The following SPRYD7 variants were observed in gnomAD, a reference collection of about 807,000 sequenced individuals.
SPRYD7 encodes SPRY domain containing 7.
A neutral mutation model predicts 23.8 loss-of-function variants in SPRYD7; 14 were observed. The ratio of observed to expected loss-of-function variants is 0.59; its 90% CI spans 0.39 to 0.92. The LOEUF is 0.92. Ranked by LOEUF, SPRYD7 falls within the 40% of genes least tolerant of loss-of-function variation. SPRYD7 has a pLI of 0.00. For synonymous variants in SPRYD7, 75 were observed against 84.9 expected, an observed-to-expected ratio of 0.88 and a Z score of 0.64; for missense variants, 194 against 241.7, an observed-to-expected ratio of 0.80 and a Z score of 1.31.
intron 3 of SPRYD7, among the ~76,000 whole-genome samples, chr13:49,927,331 C>T (rs1023392934): frequency 3.9e-5 from 6 of 151,934 alleles, no homozygotes; most frequent in Non-Finnish European, 4.4e-5. Flanking sequence ...CCCGTCTCTA[C>T]TAAAAATAAA....
Position 49,914,933 on chromosome 13 carries a change from T to A in SPRYD7, c.*130A>T. ...ACTTCAGGGTGGTATACTGAATACA[T>A]TGGTTCCTTAGACAGCATCAACAAG... On this transcript the variant is annotated 3_prime_UTR_variant, in exon 5 of 5. Transcript: ENST00000361840. The A allele has an allele frequency of 4.3e-6, 2 of 469,102 alleles. No homozygotes were observed. Among genetic ancestry groups the A allele is most frequent in the East Asian group, 3.5e-5 (1 of 28,434 alleles). The allele number at this position is 469,102 out of a possible 1,614,324, so 29.1% of individuals were successfully genotyped here.
chr13:49,928,083 T>C lies in SPRYD7; in HGVS notation c.226A>G (p.Ile76Val), dbSNP rs753749614. The change falls in exon 3 of 5, where the codon ATC (isoleucine) becomes GTC (valine). Residue 76 changes from isoleucine (I) to valine (V), a missense_variant and splice_region_variant. Physicochemically the swap from Ile to Val is conservative, Grantham distance 29 (BLOSUM62 3). Coordinates refer to ENST00000361840, the MANE Select transcript of SPRYD7 (RefSeq NM_020456.4). ...TGAGTTGCAACACCAATACCCCAGA[T>C]TCCTAAAAATATAACAGTTTAAATG... ...YFEFKIQSTG[I>V]WGIGVATQKV... 8 of 1,613,240 alleles carry C rather than the reference T, an allele frequency of 5.0e-6. No individual in the cohort carries two copies. Among genetic ancestry groups the C allele is most frequent in the African/African-American group, 4.0e-5 (3 of 74,908 alleles).
intron 4 of SPRYD7, among the ~76,000 whole-genome samples, chr13:49,918,363 G>A (rs924367482): frequency 1.3e-5 from 2 of 150,468 alleles, no homozygotes; most frequent in African/African-American, 4.9e-5. Flanking sequence ...CACCAGTGCT[G>A]CTTTTATAGT....
chr13:49,928,124 G>A (rs1024463401), intron 2 of SPRYD7, 39 bp from the exon 3 acceptor site: 1 of 1,565,786 alleles, frequency 6.4e-7, no homozygotes, highest in African/African-American at 1.4e-5. Flanking sequence ...AAAATCTGAA[G>A]ACTACAACCA....
At chr13:49,915,922 G>A (rs139066315) in intron 4 of SPRYD7, among the ~76,000 whole-genome samples, 12 of 152,312 alleles carry the variant, frequency 7.9e-5, no homozygotes, top group Non-Finnish European at 5.9e-5. Context: ...TAATTGTGCT[G>A]AGTGAAAGAA....
At chr13:49,933,474 C>T (rs543206284) in intron 1 of SPRYD7, among the ~76,000 whole-genome samples, 58 of 151,888 alleles carry the variant, frequency 3.8e-4, no homozygotes, top group Middle Eastern at 3.4e-3. Flanking sequence ...TGGTGGTGGG[C>T]GCCTATAGTC....
intron 1 of SPRYD7, 77 bp downstream of exon 1, chr13:49,936,053 T>C: frequency 2.8e-6 from 2 of 703,004 alleles, no homozygotes; most frequent in Non-Finnish European, 4.1e-6. Context: ...GTGGGGACCC[T>C]CTGACCCTGA....
intron 4 of SPRYD7, 59 bp downstream of exon 4, chr13:49,921,419 T>C (rs9568357): frequency 0.16 from 173,489 of 1,086,706 alleles, 21,959 homozygotes; most frequent in East Asian, 0.57. Flanking sequence ...AACAGACTGA[T>C]ACACACACCA....
At position 49,936,194 on chromosome 13, in the gene SPRYD7, G is replaced by A; in HGVS notation, c.42C>T (p.Asp14=). Residue 14 remains aspartate, a synonymous_variant, in exon 1 of 5, where the codon GAC becomes GAT. Coordinates refer to ENST00000361840, the MANE Select transcript of SPRYD7 (RefSeq NM_020456.4). ...TCAGAGGGATGTGGCCAGTCCCCCC[G>A]TCTCTGCAGCACCGCAGGCAGCACA... ...SVLCCLRCCR[D]GGTGHIPLKE... is the part of the protein sequence containing the mutation. 1 of 1,609,502 alleles carries A rather than the reference G, an allele frequency of 6.2e-7. No individual in the cohort carries two copies. The highest frequency in any genetic ancestry group is 8.5e-7 in the Non-Finnish European group (1 of 1,178,934).
chr13:49,916,647 A>G (rs573482478), intron 4 of SPRYD7, among the ~76,000 whole-genome samples: 3 of 152,126 alleles, frequency 2.0e-5, no homozygotes, highest in Non-Finnish European at 4.4e-5. Context: ...TGGCAGATAT[A>G]GGTTATTCTA....
rs753302167 is a variant in SPRYD7, at chr13:49,931,083, C to T, written c.158G>A (p.Gly53Asp). 1 of 1,613,524 alleles carries T rather than the reference C, an allele frequency of 6.2e-7. No homozygotes were observed. The highest frequency in any genetic ancestry group is 8.5e-7 in the Non-Finnish European group (1 of 1,179,720). Residue 53 changes from glycine (G) to aspartate (D), a missense_variant, in exon 2 of 5, where the codon GGT becomes GAT. Gly to Asp is a moderately conservative substitution (Grantham distance 94). Transcript: ENST00000361840. ...KNGRRICGTG[G>D]CLASAPLHQN... The stretch of plus-strand genomic sequence containing the variant: ...ATGTAAAGGTGCGCTGGCTAAACAA[C>T]CTCCTGTTCCACATATTCTTCTTCC...
Position 49,912,775 on chromosome 13 carries a change from TAGAA to T in SPRYD7, c.*2284_*2287del, listed in dbSNP as rs1448625439. Reference sequence around the variant, plus strand: ...CATTCTTTACAAATTAAAATTATGATAGAAAGCCAGACAAAATGCATAATACATA... The same window carrying T: ...CATTCTTTACAAATTAAAATTATGATAGCCAGACAAAATGCATAATACATA... On this transcript the variant is annotated 3_prime_UTR_variant, in exon 5 of 5. Coordinates refer to ENST00000361840, the MANE Select transcript of SPRYD7 (RefSeq NM_020456.4). The T allele has an allele frequency of 6.6e-6, 1 of 152,210 alleles. No individual in the cohort carries two copies. Among genetic ancestry groups the T allele is most frequent in the East Asian group, 1.9e-4 (1 of 5,202 alleles). The allele number at this position is 152,210 out of a possible 1,614,324, so 9.4% of individuals were successfully genotyped here.
At chr13:49,924,416 C>G (rs1477515388) in intron 3 of SPRYD7, among the ~76,000 whole-genome samples, 1 of 152,136 alleles carries the variant, frequency 6.6e-6, no homozygotes, top group East Asian at 1.9e-4. Context: ...GCTAGAACTA[C>G]AGGGGCATGC....
At chr13:49,926,757 C>A (rs1221719516) in intron 3 of SPRYD7, among the ~76,000 whole-genome samples, 2 of 152,004 alleles carry the variant, frequency 1.3e-5, no homozygotes, top group African/African-American at 4.8e-5. Context: ...TATTAGAATC[C>A]TTCTCTCATT....
At chr13:49,923,519 C>T (rs1955843266) in intron 3 of SPRYD7, among the ~76,000 whole-genome samples, 1 of 152,228 alleles carries the variant, frequency 6.6e-6, no homozygotes, top group South Asian at 2.1e-4. Context: ...GCGGAGATTA[C>T]AGGCGTTGGC....
intron 1 of SPRYD7, among the ~76,000 whole-genome samples, chr13:49,935,019 C>T (rs1168626479): frequency 1.3e-5 from 2 of 152,116 alleles, no homozygotes; most frequent in Non-Finnish European, 2.9e-5. Context: ...TTAAAGATTA[C>T]TTATGTATTA....
chr13:49,916,263 C>G (rs1277085016), intron 4 of SPRYD7, among the ~76,000 whole-genome samples: 1 of 152,108 alleles, frequency 6.6e-6, no homozygotes, highest in Non-Finnish European at 1.5e-5. Context: ...ATTTCTTGAT[C>G]TAAGTGGTAA....
intron 3 of SPRYD7, among the ~76,000 whole-genome samples, chr13:49,921,892 T>C (rs573813751): frequency 6.6e-6 from 1 of 152,338 alleles, no homozygotes; most frequent in South Asian, 2.1e-4. Context: ...CTACATACCA[T>C]GAATAGAGAA....
chr13:49,922,235 TG>T (rs1219462775), intron 3 of SPRYD7, among the ~76,000 whole-genome samples: 1 of 150,848 alleles, frequency 6.6e-6, no homozygotes, highest in Non-Finnish European at 1.5e-5. Context: ...ACACTATTGA[TG>T]GAAAAAAATC....
Sources: gnomAD v4.1 joint callset for allele counts (sites outside exome capture counted in the v4.1 genomes callset) on GRCh38, gnomAD v4.1.1 for gene constraint, MANE v1.5 for transcripts, NCBI Gene and HGNC (gene_info 2026-07-23, HGNC 2026-07-21) for gene names.